The following PRELID2 variants were observed in gnomAD, a reference collection of about 807,000 sequenced individuals.
The protein encoded by PRELID2 is PRELI domain-containing protein 2.
In PRELID2, 25 loss-of-function variants were observed where a neutral mutation model predicts 28.4. That is an observed-to-expected ratio of 0.88 (90% CI 0.64 to 1.23). PRELID2 has a LOEUF of 1.23. Among genes scored for constraint, PRELID2 ranks in the 50% most tolerant of loss-of-function variants. The pLI is 0.00. For synonymous variants in PRELID2, 76 were observed against 71.6 expected, an observed-to-expected ratio of 1.06 and a Z score of -0.31; for missense variants, 201 against 214.4, an observed-to-expected ratio of 0.94 and a Z score of 0.39.
At chr5:145,762,755 G>A (rs1384228498) in intron 6 of PRELID2, among the ~76,000 whole-genome samples, 4 of 152,168 alleles carry the variant, frequency 2.6e-5, no homozygotes, top group African/African-American at 9.7e-5. Context: ...CAAACAAGAA[G>A]CTGAGATGCT....
chr5:145,723,809 T>C (rs1756056718), intron 1 of PRELID2, among the ~76,000 whole-genome samples: 1 of 152,198 alleles, frequency 6.6e-6, no homozygotes. Context: ...TGTATGTGCA[T>C]TTTTCTTACA....
chr5:145,586,932 T>G, intron 1 of PRELID2, among the ~76,000 whole-genome samples: 1 of 152,166 alleles, frequency 6.6e-6, no homozygotes, highest in Admixed American at 6.6e-5. Flanking sequence ...AAAGGAAATA[T>G]GACAAAGAAA....
the PRELID2 span, among the ~76,000 whole-genome samples, chr5:145,437,912 G>A: frequency 2.0e-5 from 3 of 152,206 alleles, no homozygotes; most frequent in African/African-American, 7.2e-5. Flanking sequence ...ATGAAAAACA[G>A]TGCATCTTAG....
intron 1 of PRELID2, among the ~76,000 whole-genome samples, chr5:145,546,074 C>T (rs1204865441): frequency 6.6e-6 from 1 of 152,076 alleles, no homozygotes; most frequent in African/African-American, 2.4e-5. Context: ...ATCTGCAATG[C>T]TTGCTAAATA....
chr5:145,722,970 C>T (rs1756033973), intron 1 of PRELID2, among the ~76,000 whole-genome samples: 1 of 151,934 alleles, frequency 6.6e-6, no homozygotes, highest in African/African-American at 2.4e-5. Flanking sequence ...CTATCAATAA[C>T]CAGAGAGACC....
chr5:145,831,307 T>C (rs1416084680), intron 1 of PRELID2, among the ~76,000 whole-genome samples: 1 of 152,194 alleles, frequency 6.6e-6, no homozygotes, highest in Non-Finnish European at 1.5e-5. Flanking sequence ...GGCACAGGAC[T>C]GCATCCACCT....
chr5:145,358,628 G>T, the PRELID2 span, among the ~76,000 whole-genome samples: 1 of 152,038 alleles, frequency 6.6e-6, no homozygotes, highest in Non-Finnish European at 1.5e-5. Flanking sequence ...AGCCAAAGAA[G>T]AAAAAGGTCA....
chr5:145,426,556 TAAC>T, the PRELID2 span, among the ~76,000 whole-genome samples: 6 of 152,320 alleles, frequency 3.9e-5, no homozygotes, highest in Non-Finnish European at 5.9e-5. Flanking sequence ...TTCTAAATAA[TAAC>T]AATAGTCAAC....
chr5:145,604,130 T>C (rs1753459181), intron 1 of PRELID2, among the ~76,000 whole-genome samples: 1 of 152,106 alleles, frequency 6.6e-6, no homozygotes, highest in Non-Finnish European at 1.5e-5. Flanking sequence ...GGGGTACATA[T>C]GCAGGTTTGT....
At chr5:145,623,914 AC>A (rs1753808435) in intron 1 of PRELID2, among the ~76,000 whole-genome samples, 1 of 152,132 alleles carries the variant, frequency 6.6e-6, no homozygotes, top group Non-Finnish European at 1.5e-5. Flanking sequence ...CCTCAGCCCC[AC>A]AAGACTGCCT....
the PRELID2 span, among the ~76,000 whole-genome samples, chr5:145,454,273 T>A: frequency 2.6e-5 from 4 of 152,174 alleles, no homozygotes; most frequent in Non-Finnish European, 4.4e-5. Context: ...ATTGATGGGA[T>A]GTATCTCAAA....
At chr5:145,738,207 A>G (rs777490871) in intron 1 of PRELID2, among the ~76,000 whole-genome samples, 6 of 152,206 alleles carry the variant, frequency 3.9e-5, no homozygotes, top group Non-Finnish European at 8.8e-5. Context: ...CCCCAGCTGG[A>G]GTAATGTCAC....
intron 1 of PRELID2, among the ~76,000 whole-genome samples, chr5:145,539,199 C>A (rs1431315578): frequency 6.6e-6 from 1 of 151,878 alleles, no homozygotes; most frequent in Non-Finnish European, 1.5e-5. Context: ...AGTAAACACA[C>A]CAAAAATGGA....
the PRELID2 span, among the ~76,000 whole-genome samples, chr5:145,445,871 G>C: frequency 6.6e-6 from 1 of 151,810 alleles, no homozygotes; most frequent in Non-Finnish European, 1.5e-5. Context: ...AGCAAATGCT[G>C]GTGGGGATAT....
the PRELID2 span, among the ~76,000 whole-genome samples, chr5:145,245,763 G>GT: frequency 6.6e-6 from 1 of 151,996 alleles, no homozygotes; most frequent in Non-Finnish European, 1.5e-5. Flanking sequence ...ATGAGACCCC[G>GT]TATTAGTTGT....
At chr5:145,616,477 C>T (rs55869739) in intron 1 of PRELID2, among the ~76,000 whole-genome samples, 5,311 of 152,054 alleles carry the variant, frequency 0.035, 281 homozygotes, top group African/African-American at 0.12. Flanking sequence ...AAGTGTCGGC[C>T]GGTCTGAGAA....
At chr5:145,826,240 A>G (rs1755184350) in intron 1 of PRELID2, 1 of 930,176 alleles carries the variant, frequency 1.1e-6, no homozygotes, top group Non-Finnish European at 1.3e-6. Flanking sequence ...TGCTATAAAT[A>G]TAATAGTGTA....
At chr5:145,736,910 G>T (rs1756511305) in intron 1 of PRELID2, among the ~76,000 whole-genome samples, 1 of 152,234 alleles carries the variant, frequency 6.6e-6, no homozygotes, top group Admixed American at 6.5e-5. Flanking sequence ...TCTAACAGAT[G>T]ATCAAAATTT....
At chr5:145,798,341 T>C (rs1438433300) in intron 4 of PRELID2, among the ~76,000 whole-genome samples, 1 of 152,076 alleles carries the variant, frequency 6.6e-6, no homozygotes, top group Non-Finnish European at 1.5e-5. Flanking sequence ...GGCTGAAAAT[T>C]CCCCAAATTT....
Sources: gnomAD v4.1 joint callset for allele counts (sites outside exome capture counted in the v4.1 genomes callset) on GRCh38, gnomAD v4.1.1 for gene constraint, MANE v1.5 for transcripts, NCBI Gene and HGNC (gene_info 2026-07-23, HGNC 2026-07-21) for gene names.